The following MOSPD2 variants were observed in gnomAD, a reference collection of about 807,000 sequenced individuals.
The protein encoded by MOSPD2 is motile sperm domain containing 2.
In MOSPD2, 5 loss-of-function variants were observed where a neutral mutation model predicts 41.7. That is an observed-to-expected ratio of 0.12 (90% CI 0.06 to 0.25). The LOEUF (loss-of-function observed/expected upper bound fraction) is 0.25, where lower values mean the gene tolerates loss of function less well. Ranked by LOEUF, MOSPD2 falls within the 10% of genes least tolerant of loss-of-function variation. MOSPD2 has a pLI of 1.00. For synonymous variants in MOSPD2, 115 were observed against 126.9 expected, an observed-to-expected ratio of 0.91 and a Z score of 0.63; for missense variants, 282 against 375.2, an observed-to-expected ratio of 0.75 and a Z score of 2.05.
intron 13 of MOSPD2, among the ~76,000 whole-genome samples, chrX:14,918,059 T>C (rs1474019713): frequency 8.9e-6 from 1 of 111,832 alleles, no homozygotes; most frequent in Non-Finnish European, 1.9e-5. Flanking sequence ...GGGCCTACTT[T>C]CTGTTTTTAT....
chrX:14,913,833 C>G (rs2092595865), intron 10 of MOSPD2, among the ~76,000 whole-genome samples: 1 of 111,934 alleles, frequency 8.9e-6, no homozygotes, highest in African/African-American at 3.2e-5. Context: ...GCTAATGTAA[C>G]TAAACTACAC....
intron 7 of MOSPD2, among the ~76,000 whole-genome samples, chrX:14,907,106 A>G (rs2092583675): frequency 8.9e-6 from 1 of 112,788 alleles, no homozygotes; most frequent in African/African-American, 3.2e-5. Flanking sequence ...ATGGGCAATA[A>G]GCACATAAAG....
chrX:14,880,116 A>G (rs2092528594), intron 2 of MOSPD2, among the ~76,000 whole-genome samples: 2 of 110,413 alleles, frequency 1.8e-5, no homozygotes, highest in East Asian at 2.9e-4. Flanking sequence ...TGACATTATC[A>G]TGGTTGAGTC....
chrX:14,909,020 G>C (rs768926053), intron 8 of MOSPD2, 36 bp downstream of exon 8: 5 of 1,077,853 alleles, frequency 4.6e-6, no homozygotes, highest in Non-Finnish European at 6.2e-6. Context: ...AACAATACTG[G>C]ATAATGGCAC....
intron 10 of MOSPD2, among the ~76,000 whole-genome samples, chrX:14,913,694 TA>T (rs940791005): frequency 3.6e-5 from 4 of 111,918 alleles, no homozygotes; most frequent in African/African-American, 1.3e-4. Context: ...GATATAAAAT[TA>T]ACCTATTTAA....
intron 2 of MOSPD2, chrX:14,874,143 A>G (rs888522378): frequency 5.0e-6 from 1 of 198,285 alleles, no homozygotes; most frequent in East Asian, 1.2e-4. Context: ...CCATAATACT[A>G]TTGATGTGTA....
chrX:14,914,186 A>T (rs1450550381), intron 10 of MOSPD2, among the ~76,000 whole-genome samples: 1 of 111,686 alleles, frequency 9.0e-6, no homozygotes, highest in Admixed American at 9.6e-5. Context: ...ATAACCTTCC[A>T]AATAGTTTAA....
At position 14,892,747 on chromosome X, in the gene MOSPD2, G is replaced by T; in HGVS notation, c.104G>T (p.Arg35Leu). 8.3e-7 allele frequency: 1 copy of T among 1,200,625 alleles called. No homozygotes were observed. ...VTDKSDKYDA[R>L]DVERLQQDDN... ...GATAAGTCAGATAAATATGATGCAC[G>T]TGATGTTGAAAGGCTACAACAAGAT... Residue 35 changes from arginine to leucine, a missense_variant, in exon 3 of 15, where the codon CGT (arginine) becomes CTT (leucine). Physicochemically the swap from Arg to Leu is moderately radical, Grantham distance 102 (BLOSUM62 -2). Transcript: ENST00000380492.
At chrX:14,891,912 A>C (rs1270837093) in intron 2 of MOSPD2, among the ~76,000 whole-genome samples, 2 of 111,747 alleles carry the variant, frequency 1.8e-5, no homozygotes, top group Non-Finnish European at 3.8e-5. Context: ...ATGTCTTTTT[A>C]AAGCACAACT....
At chrX:14,918,152 G>C (rs887590175) in intron 13 of MOSPD2, among the ~76,000 whole-genome samples, 1 of 112,304 alleles carries the variant, frequency 8.9e-6, no homozygotes, top group Non-Finnish European at 1.9e-5. Context: ...AGGTGTTGCA[G>C]ATTAATTTGA....
chrX:14,899,587 C>CACACAT (rs1555909969), intron 5 of MOSPD2, among the ~76,000 whole-genome samples: 1 of 105,956 alleles, frequency 9.4e-6, no homozygotes, highest in Non-Finnish European at 1.9e-5. Context: ...CACACACACA[C>CACACAT]ACACACACAC....
intron 2 of MOSPD2, among the ~76,000 whole-genome samples, chrX:14,884,832 A>G (rs991291118): frequency 9.0e-6 from 1 of 111,547 alleles, no homozygotes; most frequent in Non-Finnish European, 1.9e-5. Context: ...TACATATAAA[A>G]AGGGATACTA....
chrX:14,888,119 G>GT (rs1185612855), intron 2 of MOSPD2, among the ~76,000 whole-genome samples: 2 of 107,291 alleles, frequency 1.9e-5, no homozygotes, highest in Non-Finnish European at 3.8e-5. Flanking sequence ...AATTACTGTT[G>GT]TTTTTGATGT....
chrX:14,899,937 G>T (rs1345651645), intron 5 of MOSPD2, among the ~76,000 whole-genome samples: 3 of 111,125 alleles, frequency 2.7e-5, no homozygotes, highest in African/African-American at 9.8e-5. Context: ...AGCTATGTTT[G>T]TAGTCTCCCA....
At chrX:14,915,286 C>G (rs1264088206) in intron 11 of MOSPD2, 1 of 112,441 alleles carries the variant, frequency 8.9e-6, no homozygotes. Context: ...GTCTGAATGA[C>G]AATTTGACTT....
At chrX:14,911,180 G>A (rs1364022008) in intron 8 of MOSPD2, 57 bp from the exon 9 acceptor site, 2 of 989,083 alleles carry the variant, frequency 2.0e-6, no homozygotes, top group East Asian at 3.2e-5. Context: ...AATCTACTAA[G>A]AGAGTTATTT....
At position 14,873,512 on chromosome X, in the gene MOSPD2, C is replaced by T. The variant is rs764926348; in HGVS notation, c.-17C>T. ...CGGGCGACGGCGACAACCGCAATCACATCCACGACGGTGATCATGGCAGAG... is the reference window on the plus strand; with the variant it reads ...CGGGCGACGGCGACAACCGCAATCATATCCACGACGGTGATCATGGCAGAG... On this transcript the variant is annotated 5_prime_UTR_variant, in exon 1 of 15. Transcript: ENST00000380492. 2 of 1,212,142 alleles carry T rather than the reference C, an allele frequency of 1.6e-6. No individual in the cohort carries two copies. The highest frequency in any genetic ancestry group is 1.8e-5 in the South Asian group (1 of 57,040).
intron 2 of MOSPD2, among the ~76,000 whole-genome samples, chrX:14,882,771 G>A (rs1602022916): frequency 9.2e-6 from 1 of 108,586 alleles, no homozygotes; most frequent in East Asian, 2.9e-4. Flanking sequence ...ATGACTTTTT[G>A]CAATGCCTGA....
intron 2 of MOSPD2, chrX:14,874,113 G>A (rs370962014): frequency 7.0e-5 from 17 of 243,983 alleles, no homozygotes; most frequent in East Asian, 6.5e-4. Context: ...CAACACTAGC[G>A]AAAATGTACC....
Sources: gnomAD v4.1 joint callset for allele counts (sites outside exome capture counted in the v4.1 genomes callset) on GRCh38, gnomAD v4.1.1 for gene constraint, MANE v1.5 for transcripts, NCBI Gene and HGNC (gene_info 2026-07-23, HGNC 2026-07-21) for gene names.